KCNIP4: variants seen among roughly 807,000 people sequenced by gnomAD.
The protein encoded by KCNIP4 is potassium voltage-gated channel interacting protein 4, also known as Kv channel-interacting protein 4.
Under a neutral mutation model 34.0 loss-of-function variants are expected in KCNIP4, and 12 were observed. The observed-to-expected ratio is 0.35, with a 90% CI of 0.23 to 0.57. The LOEUF is 0.57. KCNIP4 is among the 20% of genes least tolerant of loss of function. The probability of loss-of-function intolerance (pLI) is 0.83; values close to 1 mark genes in which losing one functional copy is unlikely to be tolerated. For synonymous variants in KCNIP4, 124 were observed against 102.2 expected (o/e 1.21, Z -1.29); for missense variants, 238 against 311.7 (o/e 0.76, Z 1.78).
chr4:21,230,441 C>A (rs191250001), intron 1 of KCNIP4, among the ~76,000 whole-genome samples: 2 of 152,212 alleles, frequency 1.3e-5, no homozygotes, highest in Middle Eastern at 6.8e-3. Flanking sequence ...ACCTATCAAC[C>A]CATCACCTAG....
intron 1 of KCNIP4, among the ~76,000 whole-genome samples, chr4:21,269,818 A>G (rs368081566): frequency 4.3e-4 from 66 of 152,316 alleles, no homozygotes; most frequent in African/African-American, 1.4e-3. Flanking sequence ...GCAGCTGCAT[A>G]GAAAGAACAG....
chr4:21,380,824 T>A (rs889194775), intron 1 of KCNIP4, among the ~76,000 whole-genome samples: 1 of 138,402 alleles, frequency 7.2e-6, no homozygotes, highest in South Asian at 2.4e-4. Flanking sequence ...ACAGATACAC[T>A]ATATTTCCAT....
At chr4:20,741,551 C>T (rs1388548610) in intron 5 of KCNIP4, among the ~76,000 whole-genome samples, 1 of 152,188 alleles carries the variant, frequency 6.6e-6, no homozygotes, top group Non-Finnish European at 1.5e-5. Context: ...ACCAGAATCT[C>T]TGGGACACAT....
At chr4:20,748,076 C>T (rs1380341007) in intron 5 of KCNIP4, among the ~76,000 whole-genome samples, 1 of 152,076 alleles carries the variant, frequency 6.6e-6, no homozygotes, top group Non-Finnish European at 1.5e-5. Context: ...CTGCTAATTA[C>T]ACTCCATGTT....
intron 1 of KCNIP4, among the ~76,000 whole-genome samples, chr4:21,413,570 A>G (rs1315811180): frequency 1.3e-5 from 2 of 152,090 alleles, no homozygotes; most frequent in African/African-American, 4.8e-5. Context: ...CACTCATCCC[A>G]TTGGAAGTGT....
In KCNIP4 at chr4:20,728,766, A is replaced by C; in HGVS notation, c.*1316T>G. 1 of 152,566 alleles carries C rather than the reference A, an allele frequency of 6.6e-6. No homozygotes were observed. Among genetic ancestry groups the C allele is most frequent in the Non-Finnish European group, 1.5e-5 (1 of 68,018 alleles). 9.5% of individuals were successfully genotyped at this position (152,566 alleles called of 1,614,324 possible). A position where few individuals can be genotyped will look rare whatever the true frequency, so the allele number is the denominator to read the frequency against. Reference sequence around the variant, plus strand: ...ATAGCAGGGCAGCTTTCAACATCCTATCTCTACACCAGAATAGATACCTGA... The same window carrying C: ...ATAGCAGGGCAGCTTTCAACATCCTCTCTCTACACCAGAATAGATACCTGA... On this transcript the variant is annotated 3_prime_UTR_variant, in exon 9 of 9. Transcript: ENST00000382152.
At chr4:21,825,079 A>C (rs1722593224) in intron 1 of KCNIP4, among the ~76,000 whole-genome samples, 1 of 152,232 alleles carries the variant, frequency 6.6e-6, no homozygotes, top group African/African-American at 2.4e-5. Context: ...GTAGTGTTCA[A>C]GCTTTACCAC....
At chr4:21,219,639 T>C (rs1014352304) in intron 1 of KCNIP4, among the ~76,000 whole-genome samples, 2 of 152,104 alleles carry the variant, frequency 1.3e-5, no homozygotes, top group Non-Finnish European at 2.9e-5. Context: ...GGGGACACGA[T>C]TAAATTGTAA....
chr4:20,827,306 C>A (rs141169115), intron 3 of KCNIP4, among the ~76,000 whole-genome samples: 2 of 152,128 alleles, frequency 1.3e-5, no homozygotes, highest in African/African-American at 4.8e-5. Flanking sequence ...GCTCTAAGAG[C>A]AAGGCATGGA....
At chr4:21,458,896 T>C (rs1729204340) in intron 1 of KCNIP4, among the ~76,000 whole-genome samples, 1 of 152,016 alleles carries the variant, frequency 6.6e-6, no homozygotes, top group Non-Finnish European at 1.5e-5. Context: ...CTCTTGTTTC[T>C]CTTAATATGG....
intron 1 of KCNIP4, among the ~76,000 whole-genome samples, chr4:21,274,239 G>A (rs1762313186): frequency 6.6e-6 from 1 of 152,144 alleles, no homozygotes; most frequent in African/African-American, 2.4e-5. Flanking sequence ...GCCTGTGTGT[G>A]AGAATTAAAA....
intron 2 of KCNIP4, among the ~76,000 whole-genome samples, chr4:20,851,386 G>T (rs1721005088): frequency 6.6e-6 from 1 of 152,156 alleles, no homozygotes; most frequent in South Asian, 2.1e-4. Flanking sequence ...TGGCTGCATA[G>T]TATTCCATGG....
chr4:21,400,512 C>CCTCTTCTCTTCTCTTCTCTTCTCTT (rs151019011), intron 1 of KCNIP4, among the ~76,000 whole-genome samples: 210 of 105,172 alleles, frequency 2.0e-3, no homozygotes, highest in Non-Finnish European at 2.3e-3. Flanking sequence ...CCCCTCCCTT[C>CCTCTTCTCTTCTCTTCTCTTCTCTT]CTCTTCTCTT....
At chr4:21,362,787 G>T (rs988849115) in intron 1 of KCNIP4, among the ~76,000 whole-genome samples, 2 of 152,022 alleles carry the variant, frequency 1.3e-5, no homozygotes, top group Non-Finnish European at 2.9e-5. Context: ...TTAACTGAAG[G>T]ATGAAATTAA....
intron 1 of KCNIP4, among the ~76,000 whole-genome samples, chr4:21,420,804 A>G (rs1175583902): frequency 6.6e-6 from 1 of 152,210 alleles, no homozygotes; most frequent in Non-Finnish European, 1.5e-5. Flanking sequence ...AATTTAAACC[A>G]AAAAGCTTCT....
intron 1 of KCNIP4, among the ~76,000 whole-genome samples, chr4:20,967,378 C>T (rs1045736685): frequency 6.6e-6 from 1 of 152,122 alleles, no homozygotes; most frequent in Non-Finnish European, 1.5e-5. Context: ...AGATTCAATG[C>T]AATCCCCATC....
intron 1 of KCNIP4, among the ~76,000 whole-genome samples, chr4:21,865,979 CATCT>C (rs1725391287): frequency 2.0e-5 from 3 of 150,934 alleles, no homozygotes; most frequent in African/African-American, 4.9e-5. Context: ...ATATATATGG[CATCT>C]ATCTATGAAG....
intron 1 of KCNIP4, among the ~76,000 whole-genome samples, chr4:21,567,180 C>A (rs1739959546): frequency 6.6e-6 from 1 of 152,022 alleles, no homozygotes; most frequent in Admixed American, 6.6e-5. Context: ...AGAACAAATC[C>A]ACAATTTTAT....
At chr4:21,535,893 C>T (rs991240579) in intron 1 of KCNIP4, among the ~76,000 whole-genome samples, 1 of 152,104 alleles carries the variant, frequency 6.6e-6, no homozygotes, top group Non-Finnish European at 1.5e-5. Context: ...CTGGGCCCTA[C>T]TCCATTCCTG....
Sources: gnomAD v4.1 joint callset for allele counts (sites outside exome capture counted in the v4.1 genomes callset) on GRCh38, gnomAD v4.1.1 for gene constraint, MANE v1.5 for transcripts, NCBI Gene and HGNC (gene_info 2026-07-23, HGNC 2026-07-21) for gene names.